The following CDH23 variants were observed in gnomAD, a reference collection of about 807,000 sequenced individuals.
CDH23 encodes the protein cadherin-23.
In CDH23, 189 loss-of-function variants were observed where a neutral mutation model predicts 317.1. That is an observed-to-expected ratio of 0.60 (90% CI 0.53 to 0.67). The LOEUF (loss-of-function observed/expected upper bound fraction) is 0.67. Among genes scored for constraint, CDH23 ranks in the 30% least tolerant of loss-of-function variants. The pLI is 0.00. For missense variants in CDH23, 4,401 were observed against 4,592.4 expected (o/e 0.96, Z 1.20); for synonymous variants, 1,839 against 1,876.8 (o/e 0.98, Z 0.52).
At chr10:71,678,007 A>G (rs953321134) in intron 16 of CDH23, among the ~76,000 whole-genome samples, 3 of 152,204 alleles carry the variant, frequency 2.0e-5, no homozygotes, top group African/African-American at 4.8e-5. Flanking sequence ...AGAATACTGC[A>G]CAGATTTCAG....
In CDH23 at chr10:71,625,421, A is replaced by AAAAAAAAC. The variant is rs778124827; in HGVS notation, c.1134+8031_1134+8032insAAAACAAA. On this transcript the variant is annotated intron_variant, in intron 11 of 69. Coordinates refer to ENST00000224721, the MANE Select transcript of CDH23 (RefSeq NM_022124.6). ...TAAAAAAAAAAAAAAAAAAAAAAAA[A>AAAAAAAAC]AAATGACAAGGAGAAAAGGCCATAT... Among the ~76,000 whole-genome samples the AAAAAAAAC allele has an allele frequency of 2.2e-4, 20 of 92,376 alleles. 2 individuals carry two copies. The highest frequency in any genetic ancestry group is 4.2e-4 in the Non-Finnish European group (19 of 45,594). 60.6% of individuals were successfully genotyped at this position (92,376 alleles called of 152,430 possible). A position where few individuals can be genotyped will look rare whatever the true frequency, so the allele number is the denominator to read the frequency against.
chr10:71,713,376 A>T, intron 28 of CDH23: 1 of 734,110 alleles, frequency 1.4e-6, no homozygotes, highest in Non-Finnish European at 2.5e-6. Flanking sequence ...CTGGGTGGGG[A>T]GGGAGGCCCG....
intron 30 of CDH23, among the ~76,000 whole-genome samples, 166 bp from the exon 31 acceptor site, chr10:71,730,303 A>G (rs2132819015): frequency 6.6e-6 from 1 of 152,354 alleles, no homozygotes; most frequent in East Asian, 1.9e-4. Flanking sequence ...GGTGCTGTGC[A>G]AGGTGGTGGT....
At chr10:71,771,066 C>T (rs1448280472) in intron 38 of CDH23, among the ~76,000 whole-genome samples, 1 of 152,176 alleles carries the variant, frequency 6.6e-6, no homozygotes, top group Non-Finnish European at 1.5e-5. Context: ...TGGGGTCTCT[C>T]GTCCCTAGCC....
At chr10:71,810,125 G>A (rs754601036) in intron 61 of CDH23, 49 bp downstream of exon 61, 2 of 1,599,890 alleles carry the variant, frequency 1.3e-6, no homozygotes, top group Non-Finnish European at 1.7e-6. Context: ...GAGAAGGAAG[G>A]GGAGGCCAGG....
intron 1 of CDH23, among the ~76,000 whole-genome samples, chr10:71,428,139 C>CTTTTT (rs112105182): frequency 6.1e-5 from 8 of 131,532 alleles, no homozygotes; most frequent in African/African-American, 2.4e-4. Flanking sequence ...TTCTTTCTTT[C>CTTTTT]TTTTTTTTTT....
intron 18 of CDH23, among the ~76,000 whole-genome samples, chr10:71,685,383 A>C (rs1274092490): frequency 6.6e-6 from 1 of 152,206 alleles, no homozygotes; most frequent in African/African-American, 2.4e-5. Flanking sequence ...CAGCTAAGGC[A>C]GGGACTGGAG....
rs1839488621 is a variant in CDH23, at chr10:71,734,292, C to T, written c.4157C>T (p.Thr1386Ile). Residue 1386 changes from threonine to isoleucine, a missense_variant, in exon 33 of 70, where the codon ACC (threonine) becomes ATC (isoleucine). Transcript: ENST00000224721. ...GACCGTGAGAAGGGCGACTTCTATA[C>T]CTTGACAGTGGTGGCAGATGACGGC... ...LVDREKGDFY[T>I]LTVVADDGGP... 1 of 1,612,616 alleles carries T rather than the reference C, an allele frequency of 6.2e-7. No individual in the cohort carries two copies.
Position 71,704,851 on chromosome 10 carries a change from G to A in CDH23, c.2734-60G>A, listed in dbSNP as rs577043258. The A allele has an allele frequency of 1.7e-5, 22 of 1,327,722 alleles. No individual in the cohort carries two copies. In the African/African-American group the frequency reaches 2.2e-4, roughly 13 times the overall value. 82.2% of individuals were successfully genotyped at this position (1,327,722 alleles called of 1,614,324 possible). ...GCAGGGAGGAGGAGCACTTCTTGGG[G>A]GAGAAGCATCCATCCCAGTGTCCCC... On this transcript the variant is annotated intron_variant, in intron 24 of 69. Transcript: ENST00000224721.
intron 9 of CDH23, among the ~76,000 whole-genome samples, chr10:71,596,734 C>T (rs1859872594): frequency 1.3e-5 from 2 of 152,176 alleles, no homozygotes; most frequent in Non-Finnish European, 2.9e-5. Flanking sequence ...TTGGATAGGT[C>T]ACAAAGGGCC....
intron 15 of CDH23, among the ~76,000 whole-genome samples, chr10:71,676,876 C>T (rs1864393052): frequency 6.6e-6 from 1 of 152,170 alleles, no homozygotes; most frequent in Non-Finnish European, 1.5e-5. Context: ...CAGCTGTGGT[C>T]AGAGCACACA....
At chr10:71,532,246 CT>C (rs1381631920) in intron 6 of CDH23, among the ~76,000 whole-genome samples, 1 of 152,184 alleles carries the variant, frequency 6.6e-6, no homozygotes, top group Admixed American at 6.6e-5. Context: ...GAACTTGTTC[CT>C]CTGTAGCTGT....
chr10:71,762,186 C>T (rs1013953773), intron 38 of CDH23, among the ~76,000 whole-genome samples: 2 of 152,222 alleles, frequency 1.3e-5, no homozygotes, highest in Non-Finnish European at 2.9e-5. Context: ...GTTCACAAAC[C>T]CCACTCCATC....
chr10:71,589,251 T>C lies in CDH23; in HGVS notation c.832+11259T>C, dbSNP rs1041120645. 2.0e-5 allele frequency among the ~76,000 whole-genome samples: 3 copies of C among 152,216 alleles called. No individual in the cohort carries two copies. In the East Asian group the frequency reaches 5.8e-4, roughly 29 times the overall value. On this transcript the variant is annotated intron_variant, in intron 9 of 69. Transcript: ENST00000224721. Reference sequence around the variant, plus strand: ...TCTCCTGCCTTAGCCTCCCAAGTAGTTGGGACTACAGGCACCCGCCACCAC... The same window carrying C: ...TCTCCTGCCTTAGCCTCCCAAGTAGCTGGGACTACAGGCACCCGCCACCAC...
At chr10:71,728,618 G>A (rs1370623050) in intron 30 of CDH23, among the ~76,000 whole-genome samples, 4 of 152,144 alleles carry the variant, frequency 2.6e-5, no homozygotes, top group Non-Finnish European at 5.9e-5. Context: ...CTTAGTGCTG[G>A]TCACCACATG....
At chr10:71,424,060 G>C (rs1848935645) in intron 1 of CDH23, among the ~76,000 whole-genome samples, 1 of 152,274 alleles carries the variant, frequency 6.6e-6, no homozygotes, top group South Asian at 2.1e-4. Flanking sequence ...CGCTTGGGTG[G>C]ACTGGACACG....
At chr10:71,606,803 G>A (rs972308793) in intron 9 of CDH23, among the ~76,000 whole-genome samples, 3 of 152,180 alleles carry the variant, frequency 2.0e-5, no homozygotes, top group African/African-American at 7.2e-5. Flanking sequence ...TTTGAATGGA[G>A]GCCTGAATGC....
intron 19 of CDH23, among the ~76,000 whole-genome samples, chr10:71,688,851 T>G (rs367624902): frequency 1.5e-5 from 1 of 68,680 alleles, no homozygotes; most frequent in African/African-American, 5.8e-5. Flanking sequence ...GGTGGTGGAG[T>G]CAGGGGTGGT....
chr10:71,420,294 C>A (rs1165804456), intron 1 of CDH23, among the ~76,000 whole-genome samples: 4 of 151,616 alleles, frequency 2.6e-5, no homozygotes, highest in Admixed American at 2.0e-4. Context: ...ACTCTTCTCT[C>A]CCACCTCTCT....
Sources: gnomAD v4.1 joint callset for allele counts (sites outside exome capture counted in the v4.1 genomes callset) on GRCh38, gnomAD v4.1.1 for gene constraint, MANE v1.5 for transcripts, NCBI Gene and HGNC (gene_info 2026-07-23, HGNC 2026-07-21) for gene names.